Variants in FBXO34 observed in about 807,000 individuals in gnomAD.
FBXO34 encodes F-box protein 34.
A neutral mutation model predicts 24.5 loss-of-function variants in FBXO34; 12 were observed. That is an observed-to-expected ratio of 0.49 (90% confidence interval 0.31 to 0.79). The LOEUF is 0.79. Among genes scored for constraint, FBXO34 ranks in the 30% least tolerant of loss-of-function variants. The pLI is 0.04. For synonymous variants in FBXO34, 320 were observed against 311.9 expected (o/e 1.03, Z -0.27); for missense variants, 823 against 857.7 (o/e 0.96, Z 0.51).
chr14:55,409,169 TG>T, the FBXO34 span, among the ~76,000 whole-genome samples: 1 of 152,208 alleles, frequency 6.6e-6, no homozygotes, highest in East Asian at 1.9e-4. Flanking sequence ...GAATTAGACT[TG>T]CTGAGTTTTG....
chr14:55,427,817 C>T, the FBXO34 span, among the ~76,000 whole-genome samples: 2 of 142,608 alleles, frequency 1.4e-5, no homozygotes, highest in Admixed American at 6.8e-5. Context: ...CATTGTGTTG[C>T]GGGCTGCAGC....
the FBXO34 span, among the ~76,000 whole-genome samples, chr14:55,409,138 G>T: frequency 3.9e-5 from 6 of 152,226 alleles, no homozygotes; most frequent in African/African-American, 1.4e-4. Flanking sequence ...ATAGATTCAA[G>T]ATATATTTTC....
At chr14:55,426,547 A>AC in the FBXO34 span, among the ~76,000 whole-genome samples, 1 of 152,084 alleles carries the variant, frequency 6.6e-6, no homozygotes, top group East Asian at 1.9e-4. Context: ...TAAAAATTCA[A>AC]ATCTTCTAAG....
chr14:55,426,882 A>C, the FBXO34 span, among the ~76,000 whole-genome samples: 2 of 152,240 alleles, frequency 1.3e-5, no homozygotes, highest in Non-Finnish European at 2.9e-5. Context: ...TTCTAGACTT[A>C]GATCTGCTCT....
intron 3 of FBXO34, chr14:55,361,678 C>G (rs1746208589): frequency 6.6e-6 from 1 of 152,174 alleles, no homozygotes; most frequent in African/African-American, 2.4e-5. Flanking sequence ...CATCAATTAC[C>G]TTAGCTAGAT....
At chr14:55,398,292 C>T in the FBXO34 span, among the ~76,000 whole-genome samples, 1 of 152,018 alleles carries the variant, frequency 6.6e-6, no homozygotes, top group Non-Finnish European at 1.5e-5. Context: ...TCTTTATTTT[C>T]TTCTTGCCAA....
the FBXO34 span, chr14:55,437,110 A>G: frequency 1.8e-6 from 2 of 1,131,248 alleles, no homozygotes; most frequent in African/African-American, 1.5e-5. Flanking sequence ...CAGGCAGGCA[A>G]TGTATTCAGT....
chr14:55,277,036 C>T (rs1333452359), intron 1 of FBXO34, among the ~76,000 whole-genome samples: 1 of 152,202 alleles, frequency 6.6e-6, no homozygotes, highest in African/African-American at 2.4e-5. Flanking sequence ...ATGTACAAAT[C>T]TTATGTATAC....
chr14:55,307,505 A>G (rs1882592997), intron 1 of FBXO34, among the ~76,000 whole-genome samples: 1 of 152,202 alleles, frequency 6.6e-6, no homozygotes, highest in Non-Finnish European at 1.5e-5. Context: ...ATGTTTATTT[A>G]CTTCTGTCTG....
At chr14:55,298,821 A>T in intron 1 of FBXO34, 1 of 1,612,334 alleles carries the variant, frequency 6.2e-7, no homozygotes, top group Admixed American at 1.7e-5. Context: ...ACTGAAGCGT[A>T]AGAAGAGGTA....
intron 1 of FBXO34, among the ~76,000 whole-genome samples, chr14:55,316,782 A>AT (rs1216214373): frequency 6.6e-6 from 1 of 151,324 alleles, no homozygotes. Flanking sequence ...CATTAAACCG[A>AT]TTTTCAGACT....
At chr14:55,385,883 A>G in the FBXO34 span, 1 of 1,612,186 alleles carries the variant, frequency 6.2e-7, no homozygotes, top group Admixed American at 1.7e-5. Context: ...TACTTCCTCG[A>G]TTGGAAAAAT....
the FBXO34 span, among the ~76,000 whole-genome samples, chr14:55,402,391 G>A: frequency 2.0e-5 from 3 of 151,980 alleles, no homozygotes; most frequent in African/African-American, 7.3e-5. Flanking sequence ...AAAAATATTC[G>A]ACCTTTTGAT....
chr14:55,291,565 G>T (rs747632379), intron 1 of FBXO34, among the ~76,000 whole-genome samples: 2 of 152,118 alleles, frequency 1.3e-5, no homozygotes, highest in African/African-American at 4.8e-5. Context: ...TTAGGGCTGG[G>T]CATAGTGGCT....
chr14:55,421,081 A>T, the FBXO34 span, among the ~76,000 whole-genome samples: 1 of 143,320 alleles, frequency 7.0e-6, no homozygotes, highest in South Asian at 2.3e-4. Flanking sequence ...AAAAAAAAGA[A>T]AAAAGAAATT....
chr14:55,372,045 A>C (rs1884830789), downstream of FBXO34, among the ~76,000 whole-genome samples: 1 of 152,034 alleles, frequency 6.6e-6, no homozygotes, highest in Non-Finnish European at 1.5e-5. Flanking sequence ...CTTGGCAAAC[A>C]GTTCTACTCT....
At chr14:55,272,567 G>C (rs1881191462) in intron 1 of FBXO34, among the ~76,000 whole-genome samples, 1 of 146,174 alleles carries the variant, frequency 6.8e-6, no homozygotes, top group Non-Finnish European at 1.5e-5. Context: ...CTGCTTGTTA[G>C]CATTTTTTGT....
At chr14:55,376,689 T>C in the FBXO34 span, among the ~76,000 whole-genome samples, 1 of 152,152 alleles carries the variant, frequency 6.6e-6, no homozygotes, top group African/African-American at 2.4e-5. Context: ...TGGGTTTCAG[T>C]AGATGGATGA....
chr14:55,408,315 C>T, the FBXO34 span, among the ~76,000 whole-genome samples: 2 of 152,108 alleles, frequency 1.3e-5, no homozygotes, highest in African/African-American at 2.4e-5. Context: ...ACTAGTTAGG[C>T]GTGTTGATGT....
Sources: gnomAD v4.1 joint callset for allele counts (sites outside exome capture counted in the v4.1 genomes callset) on GRCh38, gnomAD v4.1.1 for gene constraint, MANE v1.5 for transcripts, NCBI Gene and HGNC (gene_info 2026-07-23, HGNC 2026-07-21) for gene names.